SPIDR: variants seen among roughly 807,000 people sequenced by gnomAD.
The protein encoded by SPIDR is scaffold protein involved in DNA repair.
A neutral mutation model predicts 104.6 loss-of-function variants in SPIDR; 93 were observed. The ratio of observed to expected loss-of-function variants is 0.89; its 90% CI spans 0.75 to 1.06. The LOEUF is 1.06. SPIDR is among the 50% of genes least tolerant of loss of function. The pLI is 0.00. For synonymous variants in SPIDR, 431 were observed against 416.9 expected (o/e 1.03, Z -0.41); for missense variants, 1,154 against 1,111.2 (o/e 1.04, Z -0.55).
chr8:47,337,923 C>T (rs1449690342), intron 5 of SPIDR, among the ~76,000 whole-genome samples: 1 of 152,186 alleles, frequency 6.6e-6, no homozygotes, highest in Non-Finnish European at 1.5e-5. Context: ...ATTTTCTATT[C>T]AGTTCCATTG....
chr8:47,392,198 C>T (rs2060682200), intron 5 of SPIDR, among the ~76,000 whole-genome samples: 1 of 151,992 alleles, frequency 6.6e-6, no homozygotes, highest in Non-Finnish European at 1.5e-5. Flanking sequence ...GGGAAACAAC[C>T]TCATCAAAGA....
At chr8:47,282,767 C>T (rs989100370) in intron 2 of SPIDR, among the ~76,000 whole-genome samples, 4 of 152,200 alleles carry the variant, frequency 2.6e-5, no homozygotes, top group African/African-American at 7.2e-5. Flanking sequence ...ACTGGCTTAA[C>T]GGTTTGGCTC....
At chr8:47,476,281 T>C (rs2076287331) in intron 8 of SPIDR, among the ~76,000 whole-genome samples, 1 of 152,156 alleles carries the variant, frequency 6.6e-6, no homozygotes, top group Admixed American at 6.5e-5. Context: ...AGCACTGGCA[T>C]TGGAGTGATG....
intron 10 of SPIDR, among the ~76,000 whole-genome samples, chr8:47,636,044 G>C (rs1176680317): frequency 1.3e-5 from 2 of 152,158 alleles, no homozygotes; most frequent in Non-Finnish European, 2.9e-5. Context: ...TTTACTACTT[G>C]AGGGCTTGTG....
At chr8:47,293,278 G>C (rs1450103759) in intron 4 of SPIDR, among the ~76,000 whole-genome samples, 1 of 151,942 alleles carries the variant, frequency 6.6e-6, no homozygotes, top group Non-Finnish European at 1.5e-5. Context: ...GTCTAGCTGT[G>C]TAAGAAAGGA....
chr8:47,405,551 T>G (rs188302487), intron 6 of SPIDR, among the ~76,000 whole-genome samples: 1 of 152,182 alleles, frequency 6.6e-6, no homozygotes. Flanking sequence ...CTTCTCCATA[T>G]TGTTTTTATA....
At chr8:47,452,049 G>A (rs186303387) in intron 8 of SPIDR, among the ~76,000 whole-genome samples, 131 of 152,162 alleles carry the variant, frequency 8.6e-4, no homozygotes, top group African/African-American at 3.1e-3. Flanking sequence ...AATCTTTAAT[G>A]TACATACCCA....
At chr8:47,312,538 A>G (rs1348767221) in intron 5 of SPIDR, among the ~76,000 whole-genome samples, 1 of 151,996 alleles carries the variant, frequency 6.6e-6, no homozygotes, top group Non-Finnish European at 1.5e-5. Flanking sequence ...GTGTCTGTTC[A>G]TATCCTTCAC....
chr8:47,616,792 C>G (rs2064379805), intron 10 of SPIDR, among the ~76,000 whole-genome samples: 1 of 152,170 alleles, frequency 6.6e-6, no homozygotes, highest in Non-Finnish European at 1.5e-5. Flanking sequence ...ACATACATAA[C>G]AATTAATTAA....
chr8:47,628,591 A>G (rs1301024812), intron 10 of SPIDR, among the ~76,000 whole-genome samples: 5 of 152,180 alleles, frequency 3.3e-5, no homozygotes, highest in Admixed American at 2.0e-4. Flanking sequence ...CCTTCAGGCT[A>G]TCTGTATAAG....
intron 16 of SPIDR, among the ~76,000 whole-genome samples, chr8:47,721,999 T>C (rs1232521664): frequency 6.6e-6 from 1 of 152,230 alleles, no homozygotes; most frequent in African/African-American, 2.4e-5. Context: ...TACTAGAGCC[T>C]TCTTATCCAT....
Position 47,729,025 on chromosome 8 carries a change from C to T in SPIDR, c.2528C>T (p.Pro843Leu). 5 of 1,613,996 alleles carry T rather than the reference C, an allele frequency of 3.1e-6. No homozygotes were observed. Among genetic ancestry groups the T allele is most frequent in the East Asian group, 2.2e-5 (1 of 44,864 alleles). ...GTCTTCCTGGACTGCCGCTCAAGACCGCAGTGCAGAGTGAAGGTCAAGGTA... is the reference window on the plus strand; with the variant it reads ...GTCTTCCTGGACTGCCGCTCAAGACTGCAGTGCAGAGTGAAGGTCAAGGTA... ...LQVFLDCRSR[P>L]QCRVKVKLLQ... The change falls in exon 18 of 20, where the codon CCG (proline) becomes CTG (leucine). Residue 843 changes from proline to leucine, a missense_variant. Transcript: ENST00000297423.
intron 8 of SPIDR, among the ~76,000 whole-genome samples, chr8:47,460,108 CTG>C (rs1304429322): frequency 5.3e-5 from 8 of 152,064 alleles, no homozygotes; most frequent in Non-Finnish European, 1.2e-4. Context: ...AATGTATATT[CTG>C]TGTTTGTTGG....
At chr8:47,689,412 A>C (rs1019761099) in intron 11 of SPIDR, among the ~76,000 whole-genome samples, 1 of 152,222 alleles carries the variant, frequency 6.6e-6, no homozygotes, top group Non-Finnish European at 1.5e-5. Context: ...CGTTTATCGC[A>C]GGCCAATTAG....
At chr8:47,316,557 A>G (rs1156518681) in intron 5 of SPIDR, among the ~76,000 whole-genome samples, 1 of 152,236 alleles carries the variant, frequency 6.6e-6, no homozygotes, top group African/African-American at 2.4e-5. Flanking sequence ...CATCAACAAC[A>G]TAATGAATTT....
intron 11 of SPIDR, 102 bp downstream of exon 11, chr8:47,674,043 C>CA (rs1424314456): frequency 7.7e-6 from 11 of 1,419,784 alleles, no homozygotes; most frequent in Non-Finnish European, 1.0e-5. Context: ...GGCAATAAAC[C>CA]AGGATCCTAG....
intron 5 of SPIDR, among the ~76,000 whole-genome samples, chr8:47,346,737 T>C: frequency 6.6e-6 from 1 of 152,216 alleles, no homozygotes; most frequent in Non-Finnish European, 1.5e-5. Flanking sequence ...GATTTTCTAG[T>C]TTATTTGCGT....
intron 2 of SPIDR, among the ~76,000 whole-genome samples, chr8:47,281,492 T>C (rs1170894862): frequency 2.0e-5 from 3 of 152,138 alleles, no homozygotes; most frequent in Admixed American, 6.5e-5. Context: ...ATATTCTAAA[T>C]TACTTGTTAT....
rs1277161091 is a variant in SPIDR, at chr8:47,521,755, CAGCTT to C, written c.1098-74053_1098-74049del. ...TTTTTTTATTTTCCTCTACTCAAGA[CAGCTT>C]AGAAGAGAGATCCATTTTGCATTTG... On this transcript the variant is annotated intron_variant, in intron 8 of 19. Transcript: ENST00000297423. Among the ~76,000 whole-genome samples the C allele has an allele frequency of 9.2e-5, 14 of 152,124 alleles. No individual in the cohort carries two copies. In the East Asian group the frequency reaches 2.7e-3, roughly 30 times the overall value.
Sources: allele counts gnomAD v4.1 joint callset (sites outside exome capture counted in the v4.1 genomes callset), GRCh38; gene constraint gnomAD v4.1.1; transcripts MANE v1.5; gene names NCBI Gene and HGNC (gene_info 2026-07-23, HGNC 2026-07-21).